PTPRZ1: variants seen among roughly 807,000 people sequenced by gnomAD.
PTPRZ1 encodes the protein protein tyrosine phosphatase receptor type Z1.
PTPRZ1 carries 82 observed loss-of-function variants against 214.1 expected under a neutral mutation model. The observed-to-expected ratio is 0.38, with a 90% CI of 0.32 to 0.46. The LOEUF is 0.46. Among genes scored for constraint, PTPRZ1 ranks in the 20% least tolerant of loss-of-function variants. The pLI, the probability that PTPRZ1 is intolerant of heterozygous loss-of-function variation, is 1.00. For synonymous variants in PTPRZ1, 945 were observed against 987.9 expected, an observed-to-expected ratio of 0.96 and a Z score of 0.81; for missense variants, 2,603 against 2,748.7, an observed-to-expected ratio of 0.95 and a Z score of 1.19.
chr7:121,946,436 T>C, intron 2 of PTPRZ1, among the ~76,000 whole-genome samples: 1 of 152,106 alleles, frequency 6.6e-6, no homozygotes, highest in East Asian at 1.9e-4. Flanking sequence ...CCTATACTAA[T>C]CCTAAAAACA....
intron 11 of PTPRZ1, among the ~76,000 whole-genome samples, chr7:122,005,455 A>G (rs185931125): frequency 1.4e-4 from 22 of 152,066 alleles, no homozygotes; most frequent in Admixed American, 3.3e-4. Flanking sequence ...TCTAGCAATA[A>G]ATAACAATTA....
intron 1 of PTPRZ1, among the ~76,000 whole-genome samples, chr7:121,892,281 T>C (rs891942226): frequency 6.6e-6 from 1 of 152,160 alleles, no homozygotes; most frequent in Non-Finnish European, 1.5e-5. Flanking sequence ...ACGTTTTTTC[T>C]TACAAAACAT....
chr7:121,907,633 A>G (rs1056435356), intron 1 of PTPRZ1, among the ~76,000 whole-genome samples: 3 of 152,120 alleles, frequency 2.0e-5, no homozygotes, highest in South Asian at 4.1e-4. Context: ...TTATATTTAT[A>G]CGTTAAAATC....
At chr7:121,918,962 T>A (rs1181079360) in intron 1 of PTPRZ1, among the ~76,000 whole-genome samples, 1 of 152,044 alleles carries the variant, frequency 6.6e-6, no homozygotes, top group Non-Finnish European at 1.5e-5. Context: ...TATTAACATA[T>A]TTTATAGTTA....
At chr7:122,009,836 C>A (rs942259847) in intron 11 of PTPRZ1, among the ~76,000 whole-genome samples, 1 of 152,032 alleles carries the variant, frequency 6.6e-6, no homozygotes, top group Non-Finnish European at 1.5e-5. Flanking sequence ...TCTAAATCTT[C>A]CCCTTATTAT....
intron 1 of PTPRZ1, among the ~76,000 whole-genome samples, chr7:121,923,488 C>T (rs1417063926): frequency 6.6e-6 from 1 of 152,004 alleles, no homozygotes; most frequent in Non-Finnish European, 1.5e-5. Context: ...ATTTTGGCCA[C>T]TTATGGCAAT....
At chr7:121,900,429 T>C (rs1794923312) in intron 1 of PTPRZ1, among the ~76,000 whole-genome samples, 1 of 152,216 alleles carries the variant, frequency 6.6e-6, no homozygotes. Context: ...ATCCCATTGA[T>C]GGTTTAGAAC....
At chr7:121,889,323 G>A (rs1244920043) in intron 1 of PTPRZ1, among the ~76,000 whole-genome samples, 3 of 152,094 alleles carry the variant, frequency 2.0e-5, no homozygotes, top group Admixed American at 2.0e-4. Context: ...AGAAAGGGCT[G>A]TAAAATACTA....
In PTPRZ1 at chr7:121,905,650, T is replaced by TACACACACACAC. The variant is rs10528167; in HGVS notation, c.59-22490_59-22479dup. On this transcript the variant is annotated intron_variant, in intron 1 of 29. Coordinates refer to ENST00000393386, the MANE Select transcript of PTPRZ1 (RefSeq NM_002851.3). ...CGGCCGAATTCTGGGTTCTATTCTT[T>TACACACACACAC]ACACACACACACACACACACACACA... Among the ~76,000 whole-genome samples, 843 of 145,360 alleles carry TACACACACACAC rather than the reference T, an allele frequency of 5.8e-3. 8 individuals are homozygous for TACACACACACAC. Among genetic ancestry groups the TACACACACACAC allele is most frequent in the African/African-American group, 0.017 (669 of 39,244 alleles).
At chr7:122,031,453 A>G in intron 14 of PTPRZ1, 21 bp from the exon 15 acceptor site, 6 of 1,586,508 alleles carry the variant, frequency 3.8e-6, no homozygotes, top group East Asian at 2.2e-5. Context: ...GCTCTCTAAC[A>G]CAATTTTTTT....
chr7:121,991,406 C>T (rs1380404081), intron 8 of PTPRZ1, among the ~76,000 whole-genome samples: 1 of 151,994 alleles, frequency 6.6e-6, no homozygotes, highest in Non-Finnish European at 1.5e-5. Context: ...ATATTTAATA[C>T]AAACTTAAAA....
intron 11 of PTPRZ1, among the ~76,000 whole-genome samples, chr7:122,006,623 T>C (rs1798493818): frequency 6.6e-6 from 1 of 151,996 alleles, no homozygotes; most frequent in African/African-American, 2.4e-5. Context: ...GCCATGTACA[T>C]ATATGACAAA....
intron 10 of PTPRZ1, among the ~76,000 whole-genome samples, chr7:121,999,170 T>A (rs1798248034): frequency 6.6e-6 from 1 of 152,222 alleles, no homozygotes; most frequent in Non-Finnish European, 1.5e-5. Flanking sequence ...CTAATGAATA[T>A]TACTACTACC....
intron 2 of PTPRZ1, among the ~76,000 whole-genome samples, chr7:121,932,172 C>G (rs187675774): frequency 2.6e-5 from 4 of 152,168 alleles, no homozygotes; most frequent in African/African-American, 9.6e-5. Context: ...ACTAGACTAT[C>G]AAAGAGAAAA....
intron 15 of PTPRZ1, 71 bp downstream of exon 15, chr7:122,031,630 A>G (rs1209087201): frequency 2.7e-6 from 3 of 1,119,536 alleles, no homozygotes; most frequent in East Asian, 2.6e-5. Flanking sequence ...GCAATAGGCT[A>G]TTTCTTGACC....
intron 15 of PTPRZ1, among the ~76,000 whole-genome samples, chr7:122,033,377 G>C (rs1464339374): frequency 6.6e-6 from 1 of 151,176 alleles, no homozygotes; most frequent in African/African-American, 2.4e-5. Context: ...AAATTATAAG[G>C]CTTTTATTTT....
chr7:121,965,834 C>G (rs1355487444), intron 2 of PTPRZ1, among the ~76,000 whole-genome samples: 1 of 152,156 alleles, frequency 6.6e-6, no homozygotes, highest in Non-Finnish European at 1.5e-5. Context: ...CTAGTGGAGT[C>G]TAAGCCAGTG....
intron 1 of PTPRZ1, among the ~76,000 whole-genome samples, chr7:121,890,789 C>T (rs1031701529): frequency 2.6e-5 from 4 of 152,100 alleles, no homozygotes; most frequent in African/African-American, 9.7e-5. Flanking sequence ...CCTACCTCGG[C>T]CTCCTGAGTA....
chr7:121,987,791 G>A (rs1266069687), intron 8 of PTPRZ1, among the ~76,000 whole-genome samples: 1 of 152,062 alleles, frequency 6.6e-6, no homozygotes, highest in Non-Finnish European at 1.5e-5. Flanking sequence ...TGTGCTCAGT[G>A]GTAGATTAAA....
Sources: gnomAD v4.1 joint callset for allele counts (sites outside exome capture counted in the v4.1 genomes callset) on GRCh38, gnomAD v4.1.1 for gene constraint, MANE v1.5 for transcripts, NCBI Gene and HGNC (gene_info 2026-07-23, HGNC 2026-07-21) for gene names.